The following DNAAF11 variants were observed in gnomAD, a reference collection of about 807,000 sequenced individuals.
The protein encoded by DNAAF11 is leucine rich repeat containing 6.
Under a neutral mutation model 60.8 loss-of-function variants are expected in DNAAF11, and 45 were observed. The ratio of observed to expected loss-of-function variants is 0.74; its 90% CI spans 0.58 to 0.95. The LOEUF is 0.95. DNAAF11 is among the 40% of genes least tolerant of loss of function. The pLI, the probability that DNAAF11 is intolerant of heterozygous loss-of-function variation, is 0.00. For synonymous variants in DNAAF11, 191 were observed against 183.5 expected, an observed-to-expected ratio of 1.04 and a Z score of -0.33; for missense variants, 546 against 546.2, an observed-to-expected ratio of 1.00 and a Z score of 0.00.
intron 11 of DNAAF11, among the ~76,000 whole-genome samples, chr8:132,578,042 A>G (rs1244614290): frequency 6.6e-6 from 1 of 152,124 alleles, no homozygotes; most frequent in African/African-American, 2.4e-5. Context: ...AGTCATTATA[A>G]ATAAAGCCCT....
At chr8:132,602,697 C>T (rs1321102419) in intron 10 of DNAAF11, among the ~76,000 whole-genome samples, 1 of 151,170 alleles carries the variant, frequency 6.6e-6, no homozygotes, top group Non-Finnish European at 1.5e-5. Flanking sequence ...CTACTCATGT[C>T]CCTGTGTGTA....
chr8:132,620,909 CG>C (rs1228822153), intron 7 of DNAAF11, among the ~76,000 whole-genome samples: 1 of 152,014 alleles, frequency 6.6e-6, no homozygotes, highest in Non-Finnish European at 1.5e-5. Context: ...AGAAGTGAGC[CG>C]GTTGGGGAAC....
intron 11 of DNAAF11, among the ~76,000 whole-genome samples, chr8:132,575,811 G>A (rs1348946023): frequency 1.3e-5 from 2 of 152,182 alleles, no homozygotes; most frequent in African/African-American, 2.4e-5. Flanking sequence ...GGTACCCAAG[G>A]TGGGGATGGG....
chr8:132,658,668 T>A (rs1311466403), intron 2 of DNAAF11, among the ~76,000 whole-genome samples: 2 of 152,128 alleles, frequency 1.3e-5, no homozygotes. Context: ...CTCGTCCACA[T>A]CCTGAACAAA....
chr8:132,614,440 A>C (rs1390776319), intron 8 of DNAAF11, among the ~76,000 whole-genome samples: 1 of 152,222 alleles, frequency 6.6e-6, no homozygotes, highest in African/African-American at 2.4e-5. Flanking sequence ...TCCACAAAGA[A>C]GAGAAGAAGG....
At position 132,572,008 on chromosome 8, in the gene DNAAF11, T is replaced by C. The variant is rs1814239653; in HGVS notation, c.*298A>G. ...GTCCTTTTATCTATGAATTAATACT[T>C]TGCATAAGTAGACAGTATTTATAAT... On this transcript the variant is annotated 3_prime_UTR_variant, in exon 12 of 12. Coordinates refer to ENST00000620350, the MANE Select transcript of DNAAF11 (RefSeq NM_012472.6). The C allele has an allele frequency of 3.9e-6, 1 of 253,596 alleles. No individual in the cohort carries two copies. Among genetic ancestry groups the C allele is most frequent in the African/African-American group, 2.2e-5 (1 of 45,110 alleles). The allele number at this position is 253,596 out of a possible 1,614,324, so 15.7% of individuals were successfully genotyped here.
chr8:132,599,030 C>T (rs1348604353), intron 10 of DNAAF11, among the ~76,000 whole-genome samples: 1 of 151,798 alleles, frequency 6.6e-6, no homozygotes, highest in Non-Finnish European at 1.5e-5. Flanking sequence ...CCGCTAGCAA[C>T]ACTAATACAG....
chr8:132,686,477 A>G, the DNAAF11 span, among the ~76,000 whole-genome samples: 1 of 152,186 alleles, frequency 6.6e-6, no homozygotes, highest in African/African-American at 2.4e-5. Flanking sequence ...TTACTACACA[A>G]TGCAGTATTT....
intron 1 of DNAAF11, 153 bp from the exon 2 acceptor site, chr8:132,661,780 G>A: frequency 1.4e-6 from 1 of 734,576 alleles, no homozygotes; most frequent in Non-Finnish European, 2.4e-6. Context: ...GAGAGAAAAT[G>A]GTACCTCCTC....
At chr8:132,612,226 T>C (rs1056803987) in intron 8 of DNAAF11, among the ~76,000 whole-genome samples, 7 of 152,170 alleles carry the variant, frequency 4.6e-5, no homozygotes, top group African/African-American at 1.7e-4. Context: ...AGCCCTAAGA[T>C]TGTTAGGAAG....
intron 1 of DNAAF11, 62 bp from the exon 2 acceptor site, chr8:132,661,689 G>A: frequency 1.3e-6 from 2 of 1,518,632 alleles, no homozygotes; most frequent in East Asian, 2.3e-5. Flanking sequence ...AGATTATTGT[G>A]TTGTTAACGC....
chr8:132,691,917 C>T, the DNAAF11 span, among the ~76,000 whole-genome samples: 12 of 152,098 alleles, frequency 7.9e-5, no homozygotes, highest in Admixed American at 4.6e-4. Context: ...GAGCAGACCA[C>T]GTGGGAGATG....
chr8:132,686,620 C>T, the DNAAF11 span, among the ~76,000 whole-genome samples: 1 of 152,028 alleles, frequency 6.6e-6, no homozygotes, highest in African/African-American at 2.4e-5. Context: ...GCAGCAGACA[C>T]CCAGGTAGAT....
At chr8:132,612,549 C>T (rs898817777) in intron 8 of DNAAF11, among the ~76,000 whole-genome samples, 1 of 152,134 alleles carries the variant, frequency 6.6e-6, no homozygotes, top group East Asian at 1.9e-4. Flanking sequence ...AGCATTATTC[C>T]CATCCCTGAA....
intron 10 of DNAAF11, among the ~76,000 whole-genome samples, chr8:132,586,058 TA>T (rs1280736148): frequency 2.0e-5 from 3 of 152,180 alleles, no homozygotes; most frequent in Non-Finnish European, 2.9e-5. Flanking sequence ...ATTATAAATT[TA>T]AAAAATAGAA....
upstream of DNAAF11, chr8:132,675,716 C>T (rs1825734181): frequency 2.3e-6 from 1 of 429,416 alleles, no homozygotes; most frequent in South Asian, 7.2e-5. Flanking sequence ...AGGGGTTCCC[C>T]AACCCAAACC....
intron 10 of DNAAF11, among the ~76,000 whole-genome samples, chr8:132,584,843 G>A (rs1489031344): frequency 6.6e-6 from 1 of 152,112 alleles, no homozygotes; most frequent in Admixed American, 6.6e-5. Flanking sequence ...ACTAGGCCTG[G>A]ACTTCAAGGG....
intron 10 of DNAAF11, among the ~76,000 whole-genome samples, chr8:132,609,305 A>T (rs908769350): frequency 6.6e-6 from 1 of 151,950 alleles, no homozygotes; most frequent in African/African-American, 2.4e-5. Flanking sequence ...ATACAATGTA[A>T]ATGTTATGTA....
At chr8:132,677,730 C>A (rs1050891154), upstream of DNAAF11, among the ~76,000 whole-genome samples, 5 of 152,124 alleles carry the variant, frequency 3.3e-5, no homozygotes, top group Middle Eastern at 3.2e-3. Context: ...CATAGTGAGA[C>A]TCTGTGTCTA....
Sources: gnomAD v4.1 joint callset for allele counts (sites outside exome capture counted in the v4.1 genomes callset) on GRCh38, gnomAD v4.1.1 for gene constraint, MANE v1.5 for transcripts, NCBI Gene and HGNC (gene_info 2026-07-23, HGNC 2026-07-21) for gene names.